The following MRPL32 variants were observed in gnomAD, a reference collection of about 807,000 sequenced individuals.
The protein encoded by MRPL32 is large ribosomal subunit protein bL32m.
MRPL32 carries 14 observed loss-of-function variants against 21.7 expected under a neutral mutation model. The observed-to-expected ratio is 0.64, with a 90% confidence interval of 0.43 to 1.01. MRPL32 has a LOEUF of 1.01. Among genes scored for constraint, MRPL32 ranks in the 50% least tolerant of loss-of-function variants. The probability of loss-of-function intolerance (pLI) is 0.00; values close to 1 mark genes in which losing one functional copy is unlikely to be tolerated. For missense variants in MRPL32, 211 were observed against 235.9 expected, an observed-to-expected ratio of 0.89 and a Z score of 0.69; for synonymous variants, 83 against 87.7, an observed-to-expected ratio of 0.95 and a Z score of 0.30.
chr7:42,937,282 T>C, intron 2 of MRPL32, 40 bp from the exon 3 acceptor site: 1 of 1,612,442 alleles, frequency 6.2e-7, no homozygotes, highest in African/African-American at 1.3e-5. Context: ...TTCGTTATAT[T>C]GCCTCATGTT....
At position 42,937,366 on chromosome 7, in the gene MRPL32, A is replaced by G; in HGVS notation, c.357A>G (p.Lys119=). 6.2e-7 allele frequency: 1 copy of G among 1,614,260 alleles called. No individual in the cohort carries two copies. The highest frequency in any genetic ancestry group is 8.5e-7 in the Non-Finnish European group (1 of 1,180,040). ...CTGAATGTGGTCACCTGAAACAGAA[A>G]CATGTCCTTTGTGCCTACTGCTATG... ...VCPECGHLKQ[K]HVLCAYCYEK... is the part of the protein sequence containing the mutation. The change falls in exon 3 of 3, where the codon AAA becomes AAG. Residue 119 remains lysine, a synonymous_variant. Transcript: ENST00000223324.
At position 42,932,408 on chromosome 7, in the gene MRPL32, TTGG is replaced by T. The variant is rs1193752595; in HGVS notation, c.27_29del (p.Val10del). ...GAAAATGGCGCTGGCCATGCTGGTC[TTGG>T]TGGTTTCGCCGTGGTCTGCGGCCCG... On this transcript the variant is annotated inframe_deletion, in exon 1 of 3. Transcript: ENST00000223324. 9 of 1,611,758 alleles carry T rather than the reference TTGG, an allele frequency of 5.6e-6. No homozygotes were observed. Among genetic ancestry groups the T allele is most frequent in the African/African-American group, 1.3e-5 (1 of 74,988 alleles).
chr7:42,934,990 A>G lies in MRPL32; in HGVS notation c.166A>G (p.Thr56Ala). ...ALAVQGPAMF[T>A]EPANDTSGSK... ...AGCAGTACAGGGCCCAGCCATGTTT[A>G]CAGAGCCAGCAAATGATACCAGTGG... Residue 56 changes from threonine to alanine, a missense_variant, in exon 2 of 3, where the codon ACA becomes GCA. Transcript: ENST00000223324. The G allele has an allele frequency of 6.2e-7, 1 of 1,613,518 alleles. No homozygotes were observed. Among genetic ancestry groups the G allele is most frequent in the East Asian group, 2.2e-5 (1 of 44,872 alleles).
Position 42,935,059 on chromosome 7 carries a change from G to T in MRPL32, c.235G>T (p.Ala79Ser). ...CCTTTTGGACAGTATCTTTTGGATG[G>T]CAGCTCCCAAAAATAGACGCACCAT... ...SSLLDSIFWM[A>S]APKNRRTIEV... Residue 79 changes from alanine to serine, a missense_variant, in exon 2 of 3, where the codon GCA becomes TCA. Around this residue, in one of 2 missense-constraint regions of MRPL32, gnomAD observed 130 missense variants for 180.1 expected, o/e 0.72. Transcript: ENST00000223324. The T allele has an allele frequency of 6.2e-7, 1 of 1,614,050 alleles. No individual in the cohort carries two copies. The highest frequency in any genetic ancestry group is 8.5e-7 in the Non-Finnish European group (1 of 1,179,970).
chr7:42,934,902 A>G, intron 1 of MRPL32, 53 bp from the exon 2 acceptor site: 2 of 1,374,394 alleles, frequency 1.5e-6, no homozygotes, highest in Non-Finnish European at 2.0e-6. Context: ...ATCTGTAAAT[A>G]GTAATTTAGA....
rs1786454174 is a variant in MRPL32 at position 42,937,809 on chromosome 7, CAT to C, written c.*235_*236del. On this transcript the variant is annotated 3_prime_UTR_variant, in exon 3 of 3. Coordinates refer to ENST00000223324, the MANE Select transcript of MRPL32 (RefSeq NM_031903.3). ...TATTATATACAAGGTTTTAAGTAAA[CAT>C]AAAATTTCCAGAACAAAAATAAAAA... 1 of 353,212 alleles carries C rather than the reference CAT, an allele frequency of 2.8e-6. No homozygotes were observed. The highest frequency in any genetic ancestry group is 4.5e-5 in the Admixed American group (1 of 22,218). The allele number at this position is 353,212 out of a possible 1,614,324, so 21.9% of individuals were successfully genotyped here.
Position 42,932,376 on chromosome 7 carries a change from C to T in MRPL32, c.-11C>T. 1 of 1,605,408 alleles carries T rather than the reference C, an allele frequency of 6.2e-7. No homozygotes were observed. Among genetic ancestry groups the T allele is most frequent in the Non-Finnish European group, 8.5e-7 (1 of 1,174,618 alleles). ...CAGGGGCGGGACCGGGGCGGTCTTCCAGCAGGGAAAATGGCGCTGGCCATG... is the reference window on the plus strand; with the variant it reads ...CAGGGGCGGGACCGGGGCGGTCTTCTAGCAGGGAAAATGGCGCTGGCCATG... On this transcript the variant is annotated 5_prime_UTR_variant, in exon 1 of 3. Transcript: ENST00000223324.
At chr7:42,932,868 A>G (rs368067012) in intron 1 of MRPL32, among the ~76,000 whole-genome samples, 151 of 152,174 alleles carry the variant, frequency 9.9e-4, no homozygotes, top group African/African-American at 3.5e-3. Flanking sequence ...CGGTTTGTGC[A>G]GAGGTGACTT....
At position 42,937,674 on chromosome 7, in the gene MRPL32, A is replaced by G; in HGVS notation, c.*98A>G. 1 of 1,241,958 alleles carries G rather than the reference A, an allele frequency of 8.1e-7. No individual in the cohort carries two copies. 76.9% of individuals were successfully genotyped at this position (1,241,958 alleles called of 1,614,324 possible). A position where few individuals can be genotyped will look rare whatever the true frequency, so the allele number is the denominator to read the frequency against. On this transcript the variant is annotated 3_prime_UTR_variant, in exon 3 of 3. Coordinates refer to ENST00000223324, the MANE Select transcript of MRPL32 (RefSeq NM_031903.3). ...TTGTGCTTGTTTTTAAATCATCAGT[A>G]TAGTTTAACACATTCTTTCTAAGCA...
intron 1 of MRPL32, 86 bp from the exon 2 acceptor site, chr7:42,934,869 C>T: frequency 7.7e-6 from 8 of 1,037,100 alleles, no homozygotes; most frequent in Non-Finnish European, 8.2e-6. Context: ...TATGTTTGAC[C>T]ATTGATTGTT....
At chr7:42,933,468 TCC>T (rs1023297489) in intron 1 of MRPL32, among the ~76,000 whole-genome samples, 2 of 143,620 alleles carry the variant, frequency 1.4e-5, no homozygotes, top group African/African-American at 5.3e-5. Context: ...GCTTCCCCTC[TCC>T]CCCCTCTCCT....
Position 42,937,406 on chromosome 7 carries a change from G to T in MRPL32, c.397G>T (p.Glu133Ter). ...CTACTGCTATGAAAAGGTGTGCAAG[G>T]AGACTGCAGAAATCAGACGACAGAT... The part of the protein sequence containing the change: ...CAYCYEKVCK[E>*]TAEIRRQIGK... Residue 133 changes from glutamate (E) to a stop codon, truncating the protein, a stop_gained, in exon 3 of 3, where the codon GAG becomes TAG. Transcript: ENST00000223324. LOFTEE classifies it high-confidence loss of function. 1 of 1,614,194 alleles carries T rather than the reference G, an allele frequency of 6.2e-7. No individual in the cohort carries two copies. Among genetic ancestry groups the T allele is most frequent in the Non-Finnish European group, 8.5e-7 (1 of 1,180,034 alleles).
intron 1 of MRPL32, among the ~76,000 whole-genome samples, chr7:42,934,413 T>C (rs937527748): frequency 2.0e-5 from 3 of 152,178 alleles, no homozygotes; most frequent in African/African-American, 7.2e-5. Context: ...CTGGCTCTTT[T>C]CTTTAGAGAG....
Position 42,932,527 on chromosome 7 carries a change from A to G in MRPL32, c.130+11A>G. ...CCAGTCCTCCGTGGGGTAGGTAAAG[A>G]AGGGCTCCGTGGGAGAGGGGGCTGA... On this transcript the variant is annotated intron_variant, in intron 1 of 2. Transcript: ENST00000223324. The G allele has an allele frequency of 1.3e-6, 2 of 1,592,322 alleles. No individual in the cohort carries two copies. The highest frequency in any genetic ancestry group is 1.7e-6 in the Non-Finnish European group (2 of 1,164,906).
chr7:42,934,548 G>C (rs1210890964), intron 1 of MRPL32, among the ~76,000 whole-genome samples: 2 of 152,206 alleles, frequency 1.3e-5, no homozygotes, highest in African/African-American at 4.8e-5. Flanking sequence ...CCGGTCAGAA[G>C]TGTATTCAGG....
chr7:42,934,223 A>C (rs1436905440), intron 1 of MRPL32, among the ~76,000 whole-genome samples: 1 of 150,212 alleles, frequency 6.7e-6, no homozygotes, highest in Non-Finnish European at 1.5e-5. Context: ...AGCCGAGGTC[A>C]CGCCACTGCA....
Position 42,932,425 on chromosome 7 carries a change from G to T in MRPL32, c.39G>T (p.Trp13Cys). Residue 13 changes from tryptophan (W) to cysteine (C), a missense_variant, in exon 1 of 3, where the codon TGG becomes TGT. By Grantham distance (215) the Trp-to-Cys change is radical. Coordinates refer to ENST00000223324, the MANE Select transcript of MRPL32 (RefSeq NM_031903.3). ...TGCTGGTCTTGGTGGTTTCGCCGTG[G>T]TCTGCGGCCCGGGGAGTGCTTCGAA... ...LAMLVLVVSPWSAARGVLRNY... is the reference protein window; with the variant it reads ...LAMLVLVVSPCSAARGVLRNY... 6.2e-7 allele frequency: 1 copy of T among 1,611,282 alleles called. No homozygotes were observed. The highest frequency in any genetic ancestry group is 8.5e-7 in the Non-Finnish European group (1 of 1,178,408).
At chr7:42,934,715 C>T (rs1179744803) in intron 1 of MRPL32, among the ~76,000 whole-genome samples, 1 of 152,156 alleles carries the variant, frequency 6.6e-6, no homozygotes, top group Non-Finnish European at 1.5e-5. Flanking sequence ...GATGGAATTT[C>T]ACTGATCTTC....
At chr7:42,934,055 G>A (rs914306542) in intron 1 of MRPL32, among the ~76,000 whole-genome samples, 1 of 152,118 alleles carries the variant, frequency 6.6e-6, no homozygotes, top group South Asian at 2.1e-4. Flanking sequence ...CATCACCTAA[G>A]GTCAGGAGTT....
Sources: gnomAD v4.1 joint callset for allele counts (sites outside exome capture counted in the v4.1 genomes callset) on GRCh38, gnomAD v4.1.1 for gene constraint, gnomAD v4.1.1 regional missense constraint, MANE v1.5 for transcripts, NCBI Gene and HGNC (gene_info 2026-07-23, HGNC 2026-07-21) for gene names.